Variants in TTC7A observed in about 807,000 individuals in gnomAD.
The protein encoded by TTC7A is tetratricopeptide repeat protein 7A.
A neutral mutation model predicts 103.7 loss-of-function variants in TTC7A; 110 were observed. The ratio of observed to expected loss-of-function variants is 1.06; its 90% confidence interval spans 0.91 to 1.24. The LOEUF is 1.24. Ranked by LOEUF, TTC7A falls within the 50% of genes most tolerant of loss-of-function variation. The pLI is 0.00. For synonymous variants in TTC7A, 521 were observed against 467.9 expected (o/e 1.11, Z -1.47); for missense variants, 1,340 against 1,116.3 (o/e 1.20, Z -2.86).
chr2:47,051,826 A>C lies in TTC7A; in HGVS notation c.2098A>C (p.Lys700Gln), dbSNP rs756286203. 27 of 1,612,146 alleles carry C rather than the reference A, an allele frequency of 1.7e-5. No homozygotes were observed. In the South Asian group the frequency reaches 2.9e-4, roughly 17 times the overall value. ...SELTMPSSVL[K>Q]QGPMQLWTTL... ...GCTGACTATGCCCTCTTCGGTCCTG[A>C]AGCAGGGCCCCATGCAGCTGTGGAC... Residue 700 changes from lysine (K) to glutamine (Q), a missense_variant, in exon 18 of 20, where the codon AAG (lysine) becomes CAG (glutamine). Lys to Gln is a moderately conservative substitution (Grantham distance 53). Transcript: ENST00000319190.
chr2:47,074,077 C>A lies in TTC7A; in HGVS notation c.*154C>A. On this transcript the variant is annotated 3_prime_UTR_variant, in exon 20 of 20. Transcript: ENST00000319190. Reference sequence around the variant, plus strand: ...GCAGCTGCAGCCCTCGTTCTCTTGGCTGGGCCAAGAGGGCCTTCCTGGATT... The same window carrying A: ...GCAGCTGCAGCCCTCGTTCTCTTGGATGGGCCAAGAGGGCCTTCCTGGATT... 3.2e-6 allele frequency: 2 copies of A among 634,024 alleles called. No individual in the cohort carries two copies. The highest frequency in any genetic ancestry group is 5.4e-6 in the Non-Finnish European group (2 of 367,330). 39.3% of individuals were successfully genotyped at this position (634,024 alleles called of 1,614,324 possible). A position where few individuals can be genotyped will look rare whatever the true frequency, so the allele number is the denominator to read the frequency against.
At chr2:46,987,672 G>T (rs6727529) in intron 5 of TTC7A, among the ~76,000 whole-genome samples, 25,170 of 152,164 alleles carry the variant, frequency 0.17, 2,291 homozygotes, top group Admixed American at 0.19. Flanking sequence ...TTTTAATTTT[G>T]TTTTAATTAG....
At chr2:46,946,823 A>G (rs1483234985) in intron 1 of TTC7A, among the ~76,000 whole-genome samples, 1 of 152,224 alleles carries the variant, frequency 6.6e-6, no homozygotes, top group Non-Finnish European at 1.5e-5. Context: ...GAAAGAAAAG[A>G]GGAAGGCAAG....
intron 8 of TTC7A, 109 bp from the exon 9 acceptor site, chr2:47,005,813 A>G: frequency 8.1e-7 from 1 of 1,230,438 alleles, no homozygotes; most frequent in Non-Finnish European, 1.2e-6. Context: ...GGCTTGGGGC[A>G]GTGGCAAAAA....
At position 46,941,736 on chromosome 2, in the gene TTC7A, G is replaced by A. The variant is rs2103889593; in HGVS notation, c.184+11G>A. On this transcript the variant is annotated intron_variant, in intron 1 of 19. Coordinates refer to ENST00000319190, the MANE Select transcript of TTC7A (RefSeq NM_020458.4). This position sits in a 1 kb window ranked among gnomAD's most constrained non-coding sequence, Gnocchi z 4.2. Reference sequence around the variant, plus strand: ...CCTTTCCGGACACCGGTGAGTAAGGGAAGAGGCTGGCTCGCCGGCAGCGAG... The same window carrying A: ...CCTTTCCGGACACCGGTGAGTAAGGAAAGAGGCTGGCTCGCCGGCAGCGAG... 6.5e-7 allele frequency: 1 copy of A among 1,548,948 alleles called. No individual in the cohort carries two copies. The highest frequency in any genetic ancestry group is 2.4e-5 in the East Asian group (1 of 40,906).
intron 2 of TTC7A, among the ~76,000 whole-genome samples, chr2:46,928,780 AG>A (rs1347749834): frequency 6.6e-6 from 1 of 151,982 alleles, no homozygotes; most frequent in African/African-American, 2.4e-5. Flanking sequence ...AAAAAAAAAA[AG>A]TCCCACGTTT....
In TTC7A at chr2:46,941,746, G is replaced by A. The variant is rs1670408640; in HGVS notation, c.184+21G>A. 2 of 1,547,706 alleles carry A rather than the reference G, an allele frequency of 1.3e-6. No individual in the cohort carries two copies. The highest frequency in any genetic ancestry group is 1.4e-5 in the African/African-American group (1 of 72,978). On this transcript the variant is annotated intron_variant, in intron 1 of 19. Coordinates refer to ENST00000319190, the MANE Select transcript of TTC7A (RefSeq NM_020458.4). The surrounding 1 kb of genome is among the most constrained non-coding windows in gnomAD (Gnocchi z 4.2). ...CACCGGTGAGTAAGGGAAGAGGCTG[G>A]CTCGCCGGCAGCGAGCGCGCGAAAC...
chr2:47,053,543 TTTGGTTGGTTGG>T (rs35563040), intron 18 of TTC7A, among the ~76,000 whole-genome samples: 64 of 140,234 alleles, frequency 4.6e-4, no homozygotes, highest in African/African-American at 1.7e-3. Context: ...TGTTTGTTTG[TTTGGTTGGTTGG>T]TTGGTTGGTT....
intron 18 of TTC7A, among the ~76,000 whole-genome samples, chr2:47,058,286 C>T (rs1683484106): frequency 6.6e-6 from 1 of 152,226 alleles, no homozygotes; most frequent in Admixed American, 6.5e-5. Context: ...AAGTTCTCAT[C>T]TCCACTAGAG....
chr2:47,066,668 C>T (rs1044145526), intron 19 of TTC7A, among the ~76,000 whole-genome samples: 5 of 152,138 alleles, frequency 3.3e-5, no homozygotes, highest in Non-Finnish European at 7.3e-5. Flanking sequence ...TGTCTCAGTC[C>T]ATTTTGTGTT....
In TTC7A at chr2:47,006,707, A is replaced by C. The variant is rs753040566; in HGVS notation, c.1270A>C (p.Met424Leu). Residue 424 changes from methionine to leucine, a missense_variant, in exon 10 of 20, where the codon ATG (methionine) becomes CTG (leucine). Physicochemically the swap from Met to Leu is conservative, Grantham distance 15 (BLOSUM62 2). Transcript: ENST00000319190. ...CCTTTGGTACCAGGTGGCCCTCTCC[A>C]TGGTGGCTTGTGGGAAGGTAAGGCC... ...FHLWYQVALS[M>L]VACGKSAYAV... is the part of the protein sequence containing the mutation. The C allele has an allele frequency of 1.2e-6, 2 of 1,614,030 alleles. No homozygotes were observed. Among genetic ancestry groups the C allele is most frequent in the Non-Finnish European group, 1.7e-6 (2 of 1,179,856 alleles).
At chr2:47,034,791 T>A (rs58397705) in intron 15 of TTC7A, among the ~76,000 whole-genome samples, 3,227 of 152,196 alleles carry the variant, frequency 0.021, 105 homozygotes, top group African/African-American at 0.074. Flanking sequence ...CTTGGGAGTT[T>A]CTGCTGGCCC....
intron 12 of TTC7A, among the ~76,000 whole-genome samples, chr2:47,022,297 T>A (rs1173488697): frequency 6.6e-6 from 1 of 152,176 alleles, no homozygotes; most frequent in Non-Finnish European, 1.5e-5. Flanking sequence ...AACTCCTGCT[T>A]CCTGTCTGTA....
Position 47,029,317 on chromosome 2 carries a change from C to T in TTC7A, c.1735C>T (p.Gln579Ter), listed in dbSNP as rs776166477. ...LHLLALLFSAQKHHQHALDVV... is the reference protein window; with the variant it reads ...LHLLALLFSA The stretch of plus-strand genomic sequence containing the variant: ...CCTGCTGGCACTGCTCTTCTCTGCC[C>T]AGAAGCACCACCAGCATGCCCTGGA... The change falls in exon 15 of 20, where the codon CAG becomes TAG. Residue 579 changes from glutamine to a stop codon, truncating the protein, a stop_gained. Coordinates refer to ENST00000319190, the MANE Select transcript of TTC7A (RefSeq NM_020458.4). LOFTEE classifies it high-confidence loss of function. 1.9e-6 allele frequency: 3 copies of T among 1,614,092 alleles called. No homozygotes were observed. Among genetic ancestry groups the T allele is most frequent in the Non-Finnish European group, 2.5e-6 (3 of 1,180,028 alleles).
chr2:46,915,883 C>T (rs1053737083), upstream of TTC7A: 4 of 984,732 alleles, frequency 4.1e-6, no homozygotes, highest in African/African-American at 5.2e-5. Context: ...CCGCCGGGCC[C>T]CTCCCGCTGG....
chr2:46,962,688 G>A (rs1053019383), intron 3 of TTC7A, among the ~76,000 whole-genome samples: 2 of 152,182 alleles, frequency 1.3e-5, no homozygotes, highest in Non-Finnish European at 2.9e-5. Context: ...ATGGTGTCTC[G>A]GCCATATGGC....
At chr2:47,040,963 G>A (rs568464647) in intron 15 of TTC7A, among the ~76,000 whole-genome samples, 4 of 152,182 alleles carry the variant, frequency 2.6e-5, no homozygotes, top group Admixed American at 6.5e-5. Context: ...GGCTCTTGTC[G>A]GAGGGCATAA....
chr2:46,923,592 C>G (rs569203261), intron 2 of TTC7A, among the ~76,000 whole-genome samples: 3 of 152,168 alleles, frequency 2.0e-5, no homozygotes, highest in Non-Finnish European at 4.4e-5. Context: ...GTTGCAGTCT[C>G]CATTAAAACT....
In TTC7A at chr2:47,076,011, G is replaced by C. The variant is rs1226966743; in HGVS notation, c.*2088G>C. ...GAGGCATGGGAGGGACCTGGGCCTT[G>C]TTCAGATTGGCCACCTCTGCTGAGA... On this transcript the variant is annotated 3_prime_UTR_variant, in exon 20 of 20. Coordinates refer to ENST00000319190, the MANE Select transcript of TTC7A (RefSeq NM_020458.4). The C allele has an allele frequency of 6.6e-6, 1 of 152,332 alleles. No homozygotes were observed. Among genetic ancestry groups the C allele is most frequent in the Non-Finnish European group, 1.5e-5 (1 of 68,116 alleles). 9.4% of individuals were successfully genotyped at this position (152,332 alleles called of 1,614,324 possible). A position where few individuals can be genotyped will look rare whatever the true frequency, so the allele number is the denominator to read the frequency against.
Sources: allele counts gnomAD v4.1 joint callset (sites outside exome capture counted in the v4.1 genomes callset), GRCh38; gene constraint gnomAD v4.1.1; non-coding constraint Gnocchi (gnomAD v3.1); transcripts MANE v1.5; gene names NCBI Gene and HGNC (gene_info 2026-07-23, HGNC 2026-07-21).